The following NCKAP5 variants were observed in gnomAD, a reference collection of about 807,000 sequenced individuals.
The protein encoded by NCKAP5 is nck-associated protein 5.
In NCKAP5, 92 loss-of-function variants were observed where a neutral mutation model predicts 167.0. That is an observed-to-expected ratio of 0.55 (90% CI 0.47 to 0.66). NCKAP5 has a LOEUF of 0.66. NCKAP5 is among the 30% of genes least tolerant of loss of function. The pLI is 0.00. For synonymous variants in NCKAP5, 891 were observed against 877.4 expected, an observed-to-expected ratio of 1.02 and a Z score of -0.27; for missense variants, 2,378 against 2,315.0, an observed-to-expected ratio of 1.03 and a Z score of -0.56.
At chr2:133,164,022 G>A (rs11899352) in intron 5 of NCKAP5, among the ~76,000 whole-genome samples, 4,583 of 152,226 alleles carry the variant, frequency 0.03, 209 homozygotes, top group African/African-American at 0.1. Context: ...TTTAAGCACA[G>A]CAAGGCCTCA....
At chr2:133,040,484 C>T (rs1014604514) in intron 6 of NCKAP5, among the ~76,000 whole-genome samples, 3 of 152,104 alleles carry the variant, frequency 2.0e-5, no homozygotes, top group East Asian at 3.9e-4. Context: ...CAGCACACTG[C>T]TATAAACAAG....
chr2:133,284,110 TGTGA>T (rs2090021552), intron 4 of NCKAP5, among the ~76,000 whole-genome samples: 2 of 152,080 alleles, frequency 1.3e-5, no homozygotes, highest in South Asian at 2.1e-4. Flanking sequence ...GTGGTTGCTC[TGTGA>T]GTATCATTTG....
At position 133,444,409 on chromosome 2, in the gene NCKAP5, T is replaced by TATAG. The variant is rs1553641915; in HGVS notation, c.69+73045_69+73048dup. Among the ~76,000 whole-genome samples, 351 of 138,734 alleles carry TATAG rather than the reference T, an allele frequency of 2.5e-3. 4 individuals are homozygous for TATAG. Among genetic ancestry groups the TATAG allele is most frequent in the African/African-American group, 1.0e-2 (333 of 33,344 alleles). 91.0% of individuals were successfully genotyped at this position (138,734 alleles called of 152,430 possible). ...ATAGATAGATAGATAGATAGATAGA[T>TATAG]ATAGATATAGATGTAGATATTTAAA... is the stretch of plus-strand genomic sequence containing the variant. On this transcript the variant is annotated intron_variant, in intron 3 of 19. Coordinates refer to ENST00000409261, the MANE Select transcript of NCKAP5 (RefSeq NM_207363.3).
At chr2:132,676,200 G>GAAAAT (rs1684440932) in intron 19 of NCKAP5, among the ~76,000 whole-genome samples, 1 of 144,290 alleles carries the variant, frequency 6.9e-6, no homozygotes, top group Admixed American at 7.1e-5. Flanking sequence ...CACATTTAAA[G>GAAAAT]AAAATAACAA....
intron 8 of NCKAP5, among the ~76,000 whole-genome samples, chr2:132,920,581 A>T (rs1381628620): frequency 6.8e-6 from 1 of 147,174 alleles, no homozygotes; most frequent in Non-Finnish European, 1.5e-5. Flanking sequence ...CTGTGTGTTG[A>T]CTTTCCATAG....
rs372484378 is a variant in NCKAP5, at chr2:133,424,033, TATAG to T, written c.69+93421_69+93424del. Among the ~76,000 whole-genome samples, 272 of 152,248 alleles carry T rather than the reference TATAG, an allele frequency of 1.8e-3. 1 individual carries two copies. The highest frequency in any genetic ancestry group is 3.0e-3 in the Non-Finnish European group (206 of 68,020). On this transcript the variant is annotated intron_variant, in intron 3 of 19. Transcript: ENST00000409261. ...TTGTGCACTCATCATGGCAGAAAAGTATAGATAGAGAACTTGAAGCCACAGTTAA... is the reference window on the plus strand; with the variant it reads ...TTGTGCACTCATCATGGCAGAAAAGTATAGAGAACTTGAAGCCACAGTTAA...
chr2:133,341,726 G>T (rs2150768969), intron 3 of NCKAP5, among the ~76,000 whole-genome samples: 1 of 152,194 alleles, frequency 6.6e-6, no homozygotes, highest in East Asian at 1.9e-4. Context: ...ATCCATCTTT[G>T]TACCCGTATC....
At chr2:133,294,173 T>G (rs1306138206) in intron 4 of NCKAP5, among the ~76,000 whole-genome samples, 2 of 152,220 alleles carry the variant, frequency 1.3e-5, no homozygotes, top group Non-Finnish European at 2.9e-5. Context: ...CAAATCATAG[T>G]TCTTATTTTA....
intron 6 of NCKAP5, among the ~76,000 whole-genome samples, chr2:133,076,841 C>A (rs2080621459): frequency 6.6e-6 from 1 of 152,120 alleles, no homozygotes; most frequent in African/African-American, 2.4e-5. Flanking sequence ...AGCAAAGAGC[C>A]TTTCTGGAAG....
chr2:133,104,284 C>T (rs1574041372), intron 6 of NCKAP5, among the ~76,000 whole-genome samples: 1 of 152,206 alleles, frequency 6.6e-6, no homozygotes, highest in Non-Finnish European at 1.5e-5. Context: ...TGCTGAACAC[C>T]TAATTTTTGC....
At chr2:132,796,963 C>T (rs770433826) in intron 11 of NCKAP5, among the ~76,000 whole-genome samples, 14 of 151,872 alleles carry the variant, frequency 9.2e-5, no homozygotes, top group South Asian at 2.1e-4. Context: ...GTCAGTCTGC[C>T]TTGGAAGATA....
the NCKAP5 span, among the ~76,000 whole-genome samples, chr2:133,668,131 G>C: frequency 2.0e-5 from 3 of 151,972 alleles, no homozygotes; most frequent in Non-Finnish European, 4.4e-5. Flanking sequence ...TATATGGCTA[G>C]ATAATATTCT....
intron 11 of NCKAP5, among the ~76,000 whole-genome samples, chr2:132,834,410 T>C (rs1290885148): frequency 6.6e-6 from 1 of 152,178 alleles, no homozygotes; most frequent in Admixed American, 6.5e-5. Context: ...AGTGGCGCGA[T>C]CTCGGCTCAC....
At chr2:133,552,526 A>G (rs1465899407) in intron 2 of NCKAP5, among the ~76,000 whole-genome samples, 2 of 142,202 alleles carry the variant, frequency 1.4e-5, no homozygotes, top group African/African-American at 2.6e-5. Flanking sequence ...ATTCTCACTC[A>G]TAGGTGGGAA....
At chr2:133,006,127 C>T (rs1284950098) in intron 6 of NCKAP5, among the ~76,000 whole-genome samples, 1 of 151,890 alleles carries the variant, frequency 6.6e-6, no homozygotes, top group African/African-American at 2.4e-5. Flanking sequence ...GGTGTGGTGG[C>T]AAAGGCCTGT....
intron 8 of NCKAP5, among the ~76,000 whole-genome samples, chr2:132,939,421 G>A (rs1043628197): frequency 2.0e-5 from 3 of 152,180 alleles, no homozygotes; most frequent in Admixed American, 6.5e-5. Context: ...GTGGGTAGAA[G>A]AGGGAAAATC....
At chr2:133,108,526 C>G (rs1203209319) in intron 6 of NCKAP5, among the ~76,000 whole-genome samples, 1 of 152,198 alleles carries the variant, frequency 6.6e-6, no homozygotes, top group African/African-American at 2.4e-5. Flanking sequence ...ATAATGAACC[C>G]TGTTAGCCTT....
intron 4 of NCKAP5, among the ~76,000 whole-genome samples, chr2:133,237,001 A>C (rs1169391273): frequency 6.6e-6 from 1 of 152,140 alleles, no homozygotes; most frequent in African/African-American, 2.4e-5. Context: ...TACATATGTA[A>C]CAAACCTGTA....
At chr2:133,369,162 T>C (rs1162837788) in intron 3 of NCKAP5, among the ~76,000 whole-genome samples, 2 of 152,206 alleles carry the variant, frequency 1.3e-5, no homozygotes, top group East Asian at 1.9e-4. Context: ...ACAGCTTTCA[T>C]CGAGGGAATC....
Sources: gnomAD v4.1 joint callset for allele counts (sites outside exome capture counted in the v4.1 genomes callset) on GRCh38, gnomAD v4.1.1 for gene constraint, MANE v1.5 for transcripts, NCBI Gene and HGNC (gene_info 2026-07-23, HGNC 2026-07-21) for gene names.